NFIB: variants seen among roughly 807,000 people sequenced by gnomAD.
The protein encoded by NFIB is nuclear factor I B.
In NFIB, 11 loss-of-function variants were observed where a neutral mutation model predicts 61.5. The observed-to-expected ratio is 0.18, with a 90% confidence interval of 0.11 to 0.30. NFIB has a LOEUF of 0.30. Ranked by LOEUF, NFIB falls within the 10% of genes least tolerant of loss-of-function variation. NFIB has a pLI of 1.00. For missense variants in NFIB, 471 were observed against 608.9 expected, an observed-to-expected ratio of 0.77 and a Z score of 2.38; for synonymous variants, 260 against 216.5, an observed-to-expected ratio of 1.20 and a Z score of -1.76.
chr9:14,323,118 C>G (rs928712071), intron 1 of NFIB, among the ~76,000 whole-genome samples: 1 of 152,212 alleles, frequency 6.6e-6, no homozygotes, highest in Non-Finnish European at 1.5e-5. Flanking sequence ...CGAAATGTTC[C>G]TGGCTGCGCA....
intron 2 of NFIB, among the ~76,000 whole-genome samples, chr9:14,197,036 C>T (rs1266336857): frequency 6.6e-6 from 1 of 152,132 alleles, no homozygotes; most frequent in Admixed American, 6.5e-5. Context: ...TCTTTCTTAC[C>T]TTCCATTTGT....
At chr9:14,344,663 T>A (rs951182044) in intron 1 of NFIB, among the ~76,000 whole-genome samples, 2 of 152,132 alleles carry the variant, frequency 1.3e-5, no homozygotes, top group African/African-American at 2.4e-5. Context: ...GTTTATACTG[T>A]TTTGTGTGTG....
At chr9:14,264,019 T>C (rs1309613159) in intron 2 of NFIB, among the ~76,000 whole-genome samples, 2 of 152,154 alleles carry the variant, frequency 1.3e-5, no homozygotes, top group South Asian at 4.1e-4. Flanking sequence ...GGTTGTCAAA[T>C]ATAATAAAAG....
the NFIB span, among the ~76,000 whole-genome samples, chr9:14,441,438 A>G: frequency 6.6e-6 from 1 of 152,208 alleles, no homozygotes; most frequent in Non-Finnish European, 1.5e-5. Flanking sequence ...AAGTCCCTTT[A>G]TGGTGAACGT....
intron 2 of NFIB, chr9:14,306,161 G>C (rs781166620): frequency 3.9e-5 from 13 of 330,098 alleles, no homozygotes; most frequent in Non-Finnish European, 6.5e-5. Flanking sequence ...TAATAGGTAT[G>C]GTATGCAGTT....
chr9:14,460,184 A>G, the NFIB span, among the ~76,000 whole-genome samples: 64,193 of 151,922 alleles, frequency 0.42, 14,206 homozygotes, highest in Admixed American at 0.53. Context: ...AATACTATGC[A>G]GCCATAAAAA....
intron 3 of NFIB, among the ~76,000 whole-genome samples, chr9:14,174,707 C>A (rs1425622189): frequency 6.9e-6 from 1 of 145,286 alleles, no homozygotes; most frequent in African/African-American, 2.6e-5. Flanking sequence ...GCAGAGGTTG[C>A]AGTGAGCCGA....
the NFIB span, among the ~76,000 whole-genome samples, chr9:14,434,869 A>G: frequency 2.6e-5 from 4 of 152,190 alleles, no homozygotes; most frequent in Non-Finnish European, 2.9e-5. Flanking sequence ...TAATTCCTCT[A>G]TACAGAGAGG....
chr9:14,422,000 T>C, the NFIB span, among the ~76,000 whole-genome samples: 2 of 152,198 alleles, frequency 1.3e-5, no homozygotes, highest in Non-Finnish European at 2.9e-5. Context: ...GTTTCTCTTA[T>C]GTATTTTGAT....
upstream of NFIB, chr9:14,314,190 T>A (rs1011523355): frequency 1.2e-4 from 1 of 8,576 alleles, no homozygotes; most frequent in Non-Finnish European, 2.4e-4. Context: ...GGGGGCGGGG[T>A]GGGATGGGGG....
chr9:14,091,935 T>G (rs1454620010), intron 10 of NFIB, among the ~76,000 whole-genome samples: 1 of 152,046 alleles, frequency 6.6e-6, no homozygotes, highest in Admixed American at 6.6e-5. Flanking sequence ...AAATCAAAAT[T>G]CCAAAAATAA....
At chr9:14,260,015 T>G (rs752299103) in intron 2 of NFIB, among the ~76,000 whole-genome samples, 5 of 152,190 alleles carry the variant, frequency 3.3e-5, no homozygotes, top group Non-Finnish European at 7.3e-5. Context: ...GAAGATGGAT[T>G]CGTGGTGGTA....
At chr9:14,100,663 G>A (rs540654582) in intron 10 of NFIB, among the ~76,000 whole-genome samples, 4 of 152,234 alleles carry the variant, frequency 2.6e-5, no homozygotes, top group South Asian at 2.1e-4. Context: ...GCAGTGAGCC[G>A]AGATTGCGCC....
intron 10 of NFIB, among the ~76,000 whole-genome samples, chr9:14,098,102 T>C (rs1587142112): frequency 6.6e-6 from 1 of 152,208 alleles, no homozygotes; most frequent in East Asian, 1.9e-4. Context: ...AAAGTCTCTT[T>C]GGTGCCATTC....
the NFIB span, among the ~76,000 whole-genome samples, chr9:14,426,776 C>A: frequency 6.6e-6 from 1 of 152,112 alleles, no homozygotes; most frequent in Non-Finnish European, 1.5e-5. Flanking sequence ...GGGCCCCTCC[C>A]ATATCACATC....
chr9:14,491,354 A>T, the NFIB span, among the ~76,000 whole-genome samples: 7 of 152,204 alleles, frequency 4.6e-5, no homozygotes, highest in Non-Finnish European at 7.3e-5. Flanking sequence ...GAACACATAA[A>T]CTGAGGATAA....
At chr9:14,471,523 C>T in the NFIB span, among the ~76,000 whole-genome samples, 1 of 152,194 alleles carries the variant, frequency 6.6e-6, no homozygotes, top group African/African-American at 2.4e-5. Flanking sequence ...TTCCCAATAA[C>T]CAAGTTAGTA....
chr9:14,299,097 C>T (rs1206211078), intron 2 of NFIB, among the ~76,000 whole-genome samples: 1 of 152,168 alleles, frequency 6.6e-6, no homozygotes, highest in Non-Finnish European at 1.5e-5. Flanking sequence ...TTCATATTGA[C>T]GTGTCATTAG....
At chr9:14,225,938 A>G (rs1418575611) in intron 2 of NFIB, among the ~76,000 whole-genome samples, 1 of 152,234 alleles carries the variant, frequency 6.6e-6, no homozygotes, top group Non-Finnish European at 1.5e-5. Flanking sequence ...TTTCAGAAAA[A>G]TTCATTGAAA....
Sources: gnomAD v4.1 joint callset for allele counts (sites outside exome capture counted in the v4.1 genomes callset) on GRCh38, gnomAD v4.1.1 for gene constraint, MANE v1.5 for transcripts, NCBI Gene and HGNC (gene_info 2026-07-23, HGNC 2026-07-21) for gene names.